The following NECTIN3 variants were observed in gnomAD, a reference collection of about 807,000 sequenced individuals.
The protein encoded by NECTIN3 is nectin-3.
A neutral mutation model predicts 49.4 loss-of-function variants in NECTIN3; 8 were observed. The ratio of observed to expected loss-of-function variants is 0.16; its 90% CI spans 0.10 to 0.29. The LOEUF is 0.29. Ranked by LOEUF, NECTIN3 falls within the 10% of genes least tolerant of loss-of-function variation. NECTIN3 has a pLI of 1.00. For synonymous variants in NECTIN3, 277 were observed against 241.1 expected (o/e 1.15, Z -1.38); for missense variants, 581 against 654.6 (o/e 0.89, Z 1.23).
chr3:111,080,869 A>G (rs2031554695), intron 1 of NECTIN3, among the ~76,000 whole-genome samples: 1 of 152,190 alleles, frequency 6.6e-6, no homozygotes, highest in Admixed American at 6.5e-5. Flanking sequence ...ACAACATGCC[A>G]AGTGATATGA....
chr3:111,098,786 G>A (rs935397971), intron 1 of NECTIN3, among the ~76,000 whole-genome samples: 1 of 151,944 alleles, frequency 6.6e-6, no homozygotes, highest in Non-Finnish European at 1.5e-5. Context: ...TTGACTTCCT[G>A]TATTTTCAAC....
At chr3:111,188,272 C>CAT (rs2035756272), upstream of NECTIN3, among the ~76,000 whole-genome samples, 1 of 152,120 alleles carries the variant, frequency 6.6e-6, no homozygotes, top group Non-Finnish European at 1.5e-5. Flanking sequence ...GAAACAGATA[C>CAT]ATAATGCTTT....
At chr3:111,110,101 C>G (rs2033389967) in intron 1 of NECTIN3, among the ~76,000 whole-genome samples, 1 of 151,592 alleles carries the variant, frequency 6.6e-6, no homozygotes, top group Non-Finnish European at 1.5e-5. Flanking sequence ...TCTAATAGCC[C>G]TTCATTTCAT....
chr3:111,109,286 A>G (rs1055039638), intron 1 of NECTIN3, among the ~76,000 whole-genome samples: 2 of 152,062 alleles, frequency 1.3e-5, no homozygotes, highest in African/African-American at 4.8e-5. Context: ...GAGGACACAA[A>G]CATTCACTCC....
chr3:111,095,582 C>T (rs1276625598), intron 1 of NECTIN3, among the ~76,000 whole-genome samples: 1 of 152,166 alleles, frequency 6.6e-6, no homozygotes, highest in Non-Finnish European at 1.5e-5. Flanking sequence ...AACAGCTTTA[C>T]ATATTAATAT....
At chr3:111,169,955 T>C (rs1361837771) in intron 7 of NECTIN3, among the ~76,000 whole-genome samples, 2 of 152,228 alleles carry the variant, frequency 1.3e-5, no homozygotes, top group Non-Finnish European at 2.9e-5. Flanking sequence ...TAGCTTGACA[T>C]TTAACAAAAC....
At chr3:111,115,753 A>G (rs1260918356) in intron 2 of NECTIN3, among the ~76,000 whole-genome samples, 1 of 152,252 alleles carries the variant, frequency 6.6e-6, no homozygotes, top group Admixed American at 6.5e-5. Flanking sequence ...CCATGAGGCC[A>G]TGAAGACTTG....
chr3:111,159,054 G>T (rs879836760), intron 7 of NECTIN3, among the ~76,000 whole-genome samples: 1 of 152,142 alleles, frequency 6.6e-6, no homozygotes, highest in African/African-American at 2.4e-5. Flanking sequence ...CATTAGATTT[G>T]CTGACATTAA....
chr3:111,127,659 G>A (rs1169231177), intron 5 of NECTIN3, among the ~76,000 whole-genome samples: 4 of 151,620 alleles, frequency 2.6e-5, no homozygotes, highest in South Asian at 4.2e-4. Flanking sequence ...TCTGCCTCCC[G>A]GGCTCAAGCA....
At chr3:111,105,622 A>G (rs946719764) in intron 1 of NECTIN3, among the ~76,000 whole-genome samples, 1 of 152,152 alleles carries the variant, frequency 6.6e-6, no homozygotes, top group African/African-American at 2.4e-5. Context: ...TTCTCTAAAG[A>G]CAATTGTGTT....
intron 5 of NECTIN3, among the ~76,000 whole-genome samples, chr3:111,132,291 T>C (rs1048539050): frequency 6.6e-6 from 1 of 151,980 alleles, no homozygotes. Flanking sequence ...ATTGTACTTA[T>C]TAAATTTTAT....
At chr3:111,140,885 T>G (rs2034726502), downstream of NECTIN3, among the ~76,000 whole-genome samples, 2 of 152,000 alleles carry the variant, frequency 1.3e-5, no homozygotes, top group African/African-American at 4.8e-5. Context: ...TATTATATAC[T>G]AGTAAACAGT....
chr3:111,173,959 A>G (rs1306313964), intron 7 of NECTIN3, among the ~76,000 whole-genome samples: 1 of 152,042 alleles, frequency 6.6e-6, no homozygotes, highest in Non-Finnish European at 1.5e-5. Flanking sequence ...CATCATCATT[A>G]TCATTATCGT....
exon 7 of NECTIN3, chr3:111,147,450 G>A: frequency 9.8e-6 from 15 of 1,532,296 alleles, no homozygotes; most frequent in East Asian, 2.5e-5. Flanking sequence ...TATGAAGAAC[G>A]ATCCCCACCT....
intron 1 of NECTIN3, among the ~76,000 whole-genome samples, chr3:111,101,290 A>G (rs2032892417): frequency 6.6e-6 from 1 of 152,164 alleles, no homozygotes; most frequent in Non-Finnish European, 1.5e-5. Context: ...TTGTTTGAGA[A>G]TAGATGATGA....
intron 7 of NECTIN3, among the ~76,000 whole-genome samples, chr3:111,154,026 T>C (rs1278843075): frequency 6.6e-6 from 1 of 152,186 alleles, no homozygotes; most frequent in African/African-American, 2.4e-5. Context: ...ACTGCACATA[T>C]TAAGAATGTA....
chr3:111,127,839 A>T (rs2107482163), intron 5 of NECTIN3, among the ~76,000 whole-genome samples: 1 of 152,212 alleles, frequency 6.6e-6, no homozygotes. Flanking sequence ...AAGTGCTGGG[A>T]TTACAAGCGT....
intron 1 of NECTIN3, among the ~76,000 whole-genome samples, chr3:111,090,439 G>A (rs551194019): frequency 5.9e-5 from 9 of 152,070 alleles, no homozygotes; most frequent in Non-Finnish European, 1.3e-4. Flanking sequence ...ATTACAAGAT[G>A]CATCCTTGAC....
downstream of NECTIN3, among the ~76,000 whole-genome samples, chr3:111,137,887 T>A (rs1313516806): frequency 6.8e-6 from 1 of 147,390 alleles, no homozygotes; most frequent in Non-Finnish European, 1.5e-5. Flanking sequence ...CACAAACCCA[T>A]CACCTAGGTA....
Sources: gnomAD v4.1 joint callset for allele counts (sites outside exome capture counted in the v4.1 genomes callset) on GRCh38, gnomAD v4.1.1 for gene constraint, MANE v1.5 for transcripts, NCBI Gene and HGNC (gene_info 2026-07-23, HGNC 2026-07-21) for gene names.